The following DLG2 variants were observed in gnomAD, a reference collection of about 807,000 sequenced individuals.
The protein encoded by DLG2 is discs large MAGUK scaffold protein 2.
DLG2 carries 45 observed loss-of-function variants against 132.5 expected under a neutral mutation model. That is an observed-to-expected ratio of 0.34 (90% CI 0.27 to 0.44). DLG2 has a LOEUF of 0.44. Among genes scored for constraint, DLG2 ranks in the 20% least tolerant of loss-of-function variants. The pLI, the probability that DLG2 is intolerant of heterozygous loss-of-function variation, is 1.00. For synonymous variants in DLG2, 424 were observed against 419.6 expected, an observed-to-expected ratio of 1.01 and a Z score of -0.13; for missense variants, 1,045 against 1,196.9, an observed-to-expected ratio of 0.87 and a Z score of 1.87.
chr11:84,763,749 A>G (rs964953420), intron 6 of DLG2, among the ~76,000 whole-genome samples: 3 of 152,190 alleles, frequency 2.0e-5, no homozygotes, highest in Non-Finnish European at 2.9e-5. Context: ...CTTATTCAGA[A>G]TAACTTTTTT....
chr11:83,597,513 G>A (rs1024183222), intron 19 of DLG2, among the ~76,000 whole-genome samples: 12 of 151,938 alleles, frequency 7.9e-5, no homozygotes, highest in East Asian at 1.9e-4. Flanking sequence ...GCAAAACCCC[G>A]TCTCTACCAA....
chr11:84,785,470 C>T (rs1326464482), intron 6 of DLG2, among the ~76,000 whole-genome samples: 3 of 151,792 alleles, frequency 2.0e-5, no homozygotes, highest in Non-Finnish European at 2.9e-5. Flanking sequence ...GATGTTGTAA[C>T]CATGGACAAA....
chr11:85,587,191 G>A (rs1393150123), intron 3 of DLG2, among the ~76,000 whole-genome samples: 2 of 152,270 alleles, frequency 1.3e-5, no homozygotes, highest in African/African-American at 2.4e-5. Context: ...GGGGTAGAAT[G>A]TTCTGTAAAT....
At position 83,906,255 on chromosome 11, in the gene DLG2, TCTCA is replaced by T. The variant is rs1269328273; in HGVS notation, c.1496+24069_1496+24072del. 8.5e-4 allele frequency among the ~76,000 whole-genome samples: 82 copies of T among 96,944 alleles called. No individual in the cohort carries two copies. The Middle Eastern group carries it at 0.019, about 22-fold the overall frequency. 63.6% of individuals were successfully genotyped at this position (96,944 alleles called of 152,430 possible). A position where few individuals can be genotyped will look rare whatever the true frequency, so the allele number is the denominator to read the frequency against. ...ATGTCTCTCTCTCTCTCTCTCTCTC[TCTCA>T]CACACACACACACACACACACACAC... is the stretch of plus-strand genomic sequence containing the variant. On this transcript the variant is annotated intron_variant, in intron 15 of 27. Coordinates refer to ENST00000376104, the MANE Select transcript of DLG2 (RefSeq NM_001142699.3).
chr11:85,178,642 G>C (rs951936113), intron 4 of DLG2, among the ~76,000 whole-genome samples: 2 of 151,676 alleles, frequency 1.3e-5, no homozygotes, highest in Non-Finnish European at 2.9e-5. Flanking sequence ...AATTATGTTG[G>C]AAAACAGGAA....
chr11:84,700,570 G>C (rs764594124), intron 6 of DLG2, among the ~76,000 whole-genome samples: 2 of 151,566 alleles, frequency 1.3e-5, no homozygotes. Context: ...GCATTGTATG[G>C]TAACATTACA....
intron 19 of DLG2, among the ~76,000 whole-genome samples, chr11:83,630,698 G>A (rs1156624707): frequency 6.6e-6 from 1 of 152,182 alleles, no homozygotes; most frequent in Non-Finnish European, 1.5e-5. Flanking sequence ...GAGGCAGAGT[G>A]ATGTGGGGAG....
chr11:84,684,038 T>G (rs1185079701), intron 6 of DLG2, among the ~76,000 whole-genome samples: 1 of 152,196 alleles, frequency 6.6e-6, no homozygotes, highest in African/African-American at 2.4e-5. Flanking sequence ...CTAAGCAATT[T>G]GTTTCATGTT....
chr11:83,784,947 T>A (rs562999517), intron 18 of DLG2, among the ~76,000 whole-genome samples: 2 of 152,326 alleles, frequency 1.3e-5, no homozygotes, highest in East Asian at 3.9e-4. Flanking sequence ...AAAAAACAGC[T>A]ATTAAGAAAA....
At chr11:85,160,124 G>A (rs1277975712) in intron 4 of DLG2, among the ~76,000 whole-genome samples, 1 of 152,200 alleles carries the variant, frequency 6.6e-6, no homozygotes, top group Admixed American at 6.5e-5. Flanking sequence ...CTACAACCAA[G>A]AAGGAGGCAC....
At chr11:83,574,625 C>A (rs538385361) in intron 19 of DLG2, among the ~76,000 whole-genome samples, 1 of 152,282 alleles carries the variant, frequency 6.6e-6, no homozygotes, top group South Asian at 2.1e-4. Context: ...TCACTGTATC[C>A]TGAGCTGAAC....
chr11:84,442,700 TA>T lies in DLG2; in HGVS notation c.519+91869del, dbSNP rs537803509. ...ATGTATCCCAGAACTTAAGTATAAT[TA>T]AAAAAAAAGAAAGAAAGAAAGAAAG... On this transcript the variant is annotated intron_variant, in intron 7 of 27. Coordinates refer to ENST00000376104, the MANE Select transcript of DLG2 (RefSeq NM_001142699.3). Among the ~76,000 whole-genome samples, 214 of 126,740 alleles carry T rather than the reference TA, an allele frequency of 1.7e-3. 5 individuals carry two copies. In the East Asian group the frequency reaches 0.041, roughly 25 times the overall value. 83.1% of individuals were successfully genotyped at this position (126,740 alleles called of 152,430 possible).
chr11:85,017,345 C>T (rs1213076053), intron 6 of DLG2, among the ~76,000 whole-genome samples: 1 of 101,620 alleles, frequency 9.8e-6, no homozygotes, highest in East Asian at 4.1e-4. Flanking sequence ...ATGTCATATT[C>T]TCTTTCTCCA....
intron 3 of DLG2, among the ~76,000 whole-genome samples, chr11:85,415,022 C>A (rs997654650): frequency 3.3e-5 from 5 of 152,018 alleles, no homozygotes; most frequent in African/African-American, 1.2e-4. Flanking sequence ...CCCCACACCC[C>A]CTGACAGGCC....
At chr11:84,953,688 T>A (rs543204260) in intron 6 of DLG2, among the ~76,000 whole-genome samples, 1 of 152,328 alleles carries the variant, frequency 6.6e-6, no homozygotes, top group African/African-American at 2.4e-5. Flanking sequence ...TTTAATCATG[T>A]TCCATCCTAC....
chr11:84,761,734 G>A (rs1158583366), intron 6 of DLG2, among the ~76,000 whole-genome samples: 3 of 152,112 alleles, frequency 2.0e-5, no homozygotes, highest in African/African-American at 7.2e-5. Flanking sequence ...GCTGCTATTG[G>A]CTTCCCTACT....
At chr11:85,367,200 A>G (rs2084627397) in intron 3 of DLG2, among the ~76,000 whole-genome samples, 2 of 152,040 alleles carry the variant, frequency 1.3e-5, no homozygotes, top group Admixed American at 6.6e-5. Flanking sequence ...TGTTTGTTTC[A>G]TATTGTTTTC....
At chr11:85,400,008 G>A (rs200981808) in intron 3 of DLG2, among the ~76,000 whole-genome samples, 10,022 of 151,870 alleles carry the variant, frequency 0.066, 527 homozygotes, top group African/African-American at 0.14. Context: ...TACAAAATGG[G>A]AGAAAATTTT....
intron 17 of DLG2, among the ~76,000 whole-genome samples, chr11:83,792,971 T>A (rs1217960883): frequency 1.3e-5 from 2 of 152,182 alleles, no homozygotes; most frequent in Non-Finnish European, 2.9e-5. Context: ...ACATTTGACT[T>A]TTTCCATTCT....
Sources: gnomAD v4.1 joint callset for allele counts (sites outside exome capture counted in the v4.1 genomes callset) on GRCh38, gnomAD v4.1.1 for gene constraint, MANE v1.5 for transcripts, NCBI Gene and HGNC (gene_info 2026-07-23, HGNC 2026-07-21) for gene names.